The following PPFIA4 variants were observed in gnomAD, a reference collection of about 807,000 sequenced individuals.
PPFIA4 encodes liprin-alpha-4.
A neutral mutation model predicts 145.7 loss-of-function variants in PPFIA4; 98 were observed. The observed-to-expected ratio is 0.67, with a 90% confidence interval of 0.57 to 0.80. The LOEUF is 0.80. Among genes scored for constraint, PPFIA4 ranks in the 30% least tolerant of loss-of-function variants. PPFIA4 has a pLI of 0.00. For missense variants in PPFIA4, 1,457 were observed against 1,632.7 expected (o/e 0.89, Z 1.85); for synonymous variants, 628 against 649.6 (o/e 0.97, Z 0.51).
chr1:203,059,326 C>T, intron 20 of PPFIA4, 55 bp downstream of exon 20: 1 of 1,379,876 alleles, frequency 7.2e-7, no homozygotes, highest in Middle Eastern at 2.0e-4. Context: ...CTACCCACTT[C>T]CCTTCCCCTG....
At position 203,043,633 on chromosome 1, in the gene PPFIA4, C is replaced by T; in HGVS notation, c.336+135C>T. The T allele has an allele frequency of 2.4e-6, 2 of 831,432 alleles. No homozygotes were observed. 51.5% of individuals were successfully genotyped at this position (831,432 alleles called of 1,614,324 possible). A position where few individuals can be genotyped will look rare whatever the true frequency, so the allele number is the denominator to read the frequency against. ...AGTCCTAGCTCAAGCCCCATCCTTC[C>T]CTCTTCCTGTCTCCCATCCTGGGGT... On this transcript the variant is annotated intron_variant, in intron 3 of 29. Coordinates refer to ENST00000295706, the MANE Select transcript of PPFIA4 (RefSeq NM_001304331.2). This position sits in a 1 kb window ranked among gnomAD's most constrained non-coding sequence, Gnocchi z 4.4.
At chr1:203,027,203 C>G (rs1027155579) in intron 1 of PPFIA4, among the ~76,000 whole-genome samples, 3 of 145,642 alleles carry the variant, frequency 2.1e-5, no homozygotes, top group African/African-American at 5.1e-5. Flanking sequence ...GCGGCCAACC[C>G]GAGGCCTGGT....
Position 203,076,572 on chromosome 1 carries a change from G to A in PPFIA4, c.*182G>A, listed in dbSNP as rs1481930073. On this transcript the variant is annotated 3_prime_UTR_variant, in exon 30 of 30. Transcript: ENST00000295706. ...ACCCCATTACCCCGAGTCCCACCGT[G>A]TGTCCGTTGTAAGTCCGGTGGATGT... 1.1e-5 allele frequency: 7 copies of A among 622,902 alleles called. No individual in the cohort carries two copies. The highest frequency in any genetic ancestry group is 2.0e-5 in the Non-Finnish European group (7 of 354,076). 38.6% of individuals were successfully genotyped at this position (622,902 alleles called of 1,614,324 possible). A position where few individuals can be genotyped will look rare whatever the true frequency, so the allele number is the denominator to read the frequency against.
chr1:203,043,289 G>A lies in PPFIA4; in HGVS notation c.235-108G>A, dbSNP rs1363666291. ...GATGGATTGGGATTTTGTGGGGGAG[G>A]TGGTGGAAGTAAGGGATGGGTGAGA... On this transcript the variant is annotated intron_variant, in intron 2 of 29. Coordinates refer to ENST00000295706, the MANE Select transcript of PPFIA4 (RefSeq NM_001304331.2). The surrounding 1 kb of genome is among the most constrained non-coding windows in gnomAD (Gnocchi z 4.4). 1.1e-6 allele frequency: 1 copy of A among 900,242 alleles called. No homozygotes were observed. Among genetic ancestry groups the A allele is most frequent in the African/African-American group, 1.7e-5 (1 of 60,246 alleles). 55.8% of individuals were successfully genotyped at this position (900,242 alleles called of 1,614,324 possible).
At position 203,055,715 on chromosome 1, in the gene PPFIA4, G is replaced by T; in HGVS notation, c.2070+43G>T. The T allele has an allele frequency of 6.2e-7, 1 of 1,607,094 alleles. No individual in the cohort carries two copies. The highest frequency in any genetic ancestry group is 8.5e-7 in the Non-Finnish European group (1 of 1,174,836). On this transcript the variant is annotated intron_variant, in intron 16 of 29. Coordinates refer to ENST00000295706, the MANE Select transcript of PPFIA4 (RefSeq NM_001304331.2). This position sits in a 1 kb window ranked among gnomAD's most constrained non-coding sequence, Gnocchi z 4.8. The stretch of plus-strand genomic sequence containing the variant: ...AGCAGGCCTGGCATCACTGGACCCT[G>T]CACCGGGGGAGGTTTTAAGGGATGG...
chr1:203,053,608 T>C, intron 14 of PPFIA4, 145 bp from the exon 15 acceptor site: 1 of 667,678 alleles, frequency 1.5e-6, no homozygotes, highest in Non-Finnish European at 2.6e-6. Context: ...GTTGAATCAG[T>C]AGGTCTGGTG....
Position 203,034,558 on chromosome 1 carries a change from G to C in PPFIA4, c.-399-4052G>C, listed in dbSNP as rs147596245. The C allele has an allele frequency of 2.2e-3, 1,019 of 456,428 alleles. 3 individuals are homozygous for C. The highest frequency in any genetic ancestry group is 3.3e-3 in the Non-Finnish European group (750 of 226,816). 28.3% of individuals were successfully genotyped at this position (456,428 alleles called of 1,614,324 possible). On this transcript the variant is annotated intron_variant, in intron 1 of 29. Coordinates refer to ENST00000295706, the MANE Select transcript of PPFIA4 (RefSeq NM_001304331.2). The stretch of plus-strand genomic sequence containing the variant: ...AGCGCCTATGGGAGTGGGGGGCAGT[G>C]GGGGGAACTCAGGGAAGCTGCCTAC...
chr1:203,050,058 C>A (rs765392798), intron 13 of PPFIA4, among the ~76,000 whole-genome samples: 10 of 152,352 alleles, frequency 6.6e-5, no homozygotes, highest in Middle Eastern at 3.4e-3. Flanking sequence ...ACAGAGGGCA[C>A]ACCCCTGAGA....
At position 203,053,769 on chromosome 1, in the gene PPFIA4, C is replaced by T; in HGVS notation, c.1637C>T (p.Pro546Leu). 1 of 1,551,070 alleles carries T rather than the reference C, an allele frequency of 6.4e-7. No homozygotes were observed. Among genetic ancestry groups the T allele is most frequent in the Non-Finnish European group, 8.7e-7 (1 of 1,147,208 alleles). Residue 546 changes from proline to leucine, a missense_variant, in exon 15 of 30, where the codon CCA becomes CTA. By Grantham distance (98) the Pro-to-Leu change is moderately conservative. Coordinates refer to ENST00000295706, the MANE Select transcript of PPFIA4 (RefSeq NM_001304331.2). ...EESAKDWETS[P>L]LPGMLAPAAG... ...TTTGCTAAGGACTGGGAGACTTCTC[C>T]ACTGCCTGGGATGCTGGCCCCGGCA...
chr1:203,039,871 A>C (rs1019446701), intron 2 of PPFIA4, among the ~76,000 whole-genome samples: 4 of 152,188 alleles, frequency 2.6e-5, no homozygotes, highest in African/African-American at 9.7e-5. Context: ...CATTGTACAA[A>C]TCACGGAACT....
intron 24 of PPFIA4, chr1:203,062,971 A>G (rs369308840): frequency 1.1e-3 from 165 of 152,392 alleles, no homozygotes; most frequent in African/African-American, 3.8e-3. Flanking sequence ...GTTGGTGTCC[A>G]CTGTTGCTAA....
intron 25 of PPFIA4, among the ~76,000 whole-genome samples, chr1:203,066,007 A>C (rs1161976808): frequency 2.6e-5 from 4 of 152,220 alleles, no homozygotes; most frequent in Non-Finnish European, 5.9e-5. Context: ...AGGGCTGGCT[A>C]AGCCCTTGTA....
chr1:203,049,831 C>T (rs1000212297), intron 13 of PPFIA4, 64 bp downstream of exon 13: 7 of 1,344,304 alleles, frequency 5.2e-6, no homozygotes, highest in African/African-American at 3.0e-5. Context: ...AGGAAGGAGA[C>T]TTCCTTCCAA....
Position 203,044,776 on chromosome 1 carries a change from C to G in PPFIA4, c.657C>G (p.Arg219=). 8 of 1,562,602 alleles carry G rather than the reference C, an allele frequency of 5.1e-6. No homozygotes were observed. Among genetic ancestry groups the G allele is most frequent in the Non-Finnish European group, 6.1e-6 (7 of 1,153,696 alleles). ...GGACTGTGGAGCTGGGGCCGAAACG[C>G]CTGTGGAAGGTAGGTCATGGAGAGC... ...EEGTVELGPK[R]LWKEDTGRVE... is the part of the protein sequence containing the mutation. The change falls in exon 6 of 30, where the codon CGC becomes CGG. Residue 219 remains arginine, a synonymous_variant. Coordinates refer to ENST00000295706, the MANE Select transcript of PPFIA4 (RefSeq NM_001304331.2).
At position 203,043,438 on chromosome 1, in the gene PPFIA4, G is replaced by A. The variant is rs202001382; in HGVS notation, c.276G>A (p.Glu92=). Residue 92 remains glutamate, a synonymous_variant, in exon 3 of 30, where the codon GAG becomes GAA. Transcript: ENST00000295706. This position sits in a 1 kb window ranked among gnomAD's most constrained non-coding sequence, Gnocchi z 4.4. ...CCCGGGAGCTGAGCATGTGTCGGGA[G>A]CAGCTTCTAGAGCGGGAGGAAGAGA... ...TLTRELSMCR[E]QLLEREEEIS... is the part of the protein sequence containing the mutation. 218 of 1,611,790 alleles carry A rather than the reference G, an allele frequency of 1.4e-4. No individual in the cohort carries two copies. The highest frequency in any genetic ancestry group is 8.4e-5 in the Non-Finnish European group (99 of 1,179,430).
At chr1:203,064,762 G>C (rs922448647) in intron 25 of PPFIA4, among the ~76,000 whole-genome samples, 2 of 152,242 alleles carry the variant, frequency 1.3e-5, no homozygotes, top group African/African-American at 4.8e-5. Context: ...GCTGAAGAGT[G>C]GAGTCCACTC....
chr1:203,044,090 G>C lies in PPFIA4; in HGVS notation c.496G>C (p.Glu166Gln). 6.3e-7 allele frequency: 1 copy of C among 1,587,530 alleles called. No homozygotes were observed. The highest frequency in any genetic ancestry group is 8.6e-7 in the Non-Finnish European group (1 of 1,166,234). Residue 166 changes from glutamate (E) to glutamine (Q), a missense_variant, in exon 4 of 30, where the codon GAG becomes CAG. Transcript: ENST00000295706. ...SLFEHHKALD[E>Q]KVRERLRAAL... ...GTTTGAGCACCACAAGGCCCTGGAT[G>C]AGAAGGTGCCCACCTGCCCGCCAGC...
chr1:203,045,980 A>G lies in PPFIA4; in HGVS notation c.998A>G (p.His333Arg). Residue 333 changes from histidine (H) to arginine (R), a missense_variant, in exon 8 of 30, where the codon CAC (histidine) becomes CGC (arginine). His to Arg is a conservative substitution (Grantham distance 29). Transcript: ENST00000295706. ...GAGCTGGCCAACAAGGAGTCCCTGC[A>G]CCGCCAGGTACCTCCTCAGGGTGGG... is the stretch of plus-strand genomic sequence containing the variant. ...ENELANKESL[H>R]RQCEEKARHL... 1 of 1,612,528 alleles carries G rather than the reference A, an allele frequency of 6.2e-7. No individual in the cohort carries two copies. Among genetic ancestry groups the G allele is most frequent in the Non-Finnish European group, 8.5e-7 (1 of 1,179,834 alleles).
chr1:203,044,284 C>G lies in PPFIA4; in HGVS notation c.502-95C>G. On this transcript the variant is annotated intron_variant, in intron 4 of 29. Coordinates refer to ENST00000295706, the MANE Select transcript of PPFIA4 (RefSeq NM_001304331.2). ...GCTGCTTAGTAGGCCCTTCACTGTCCTCATGCTCAGTGGTGGTAGACCAAG... is the reference window on the plus strand; with the variant it reads ...GCTGCTTAGTAGGCCCTTCACTGTCGTCATGCTCAGTGGTGGTAGACCAAG... 3 of 1,286,414 alleles carry G rather than the reference C, an allele frequency of 2.3e-6. No homozygotes were observed. In the South Asian group the frequency reaches 4.1e-5, roughly 18 times the overall value. The allele number at this position is 1,286,414 out of a possible 1,614,324, so 79.7% of individuals were successfully genotyped here.
Sources: gnomAD v4.1 joint callset for allele counts (sites outside exome capture counted in the v4.1 genomes callset) on GRCh38, gnomAD v4.1.1 for gene constraint, Gnocchi (gnomAD v3.1) non-coding constraint, MANE v1.5 for transcripts, NCBI Gene and HGNC (gene_info 2026-07-23, HGNC 2026-07-21) for gene names.